The following GLI2 variants were observed in gnomAD, a reference collection of about 807,000 sequenced individuals.
GLI2 encodes the protein transcription activator GLI2.
Under a neutral mutation model 78.9 loss-of-function variants are expected in GLI2, and 22 were observed. The ratio of observed to expected loss-of-function variants is 0.28; its 90% CI spans 0.20 to 0.40. The LOEUF (loss-of-function observed/expected upper bound fraction) is 0.40, where lower values mean the gene tolerates loss of function less well. Ranked by LOEUF, GLI2 falls within the 10% of genes least tolerant of loss-of-function variation. The pLI, the probability that GLI2 is intolerant of heterozygous loss-of-function variation, is 1.00. For missense variants in GLI2, 2,097 were observed against 2,213.2 expected (o/e 0.95, Z 1.05); for synonymous variants, 974 against 963.7 (o/e 1.01, Z -0.20).
intron 2 of GLI2, among the ~76,000 whole-genome samples, chr2:120,847,139 G>C (rs555055883): frequency 2.6e-4 from 40 of 152,134 alleles, no homozygotes; most frequent in African/African-American, 9.6e-4. Context: ...TGGGACTTAG[G>C]GAATTCCTGG....
intron 2 of GLI2, among the ~76,000 whole-genome samples, chr2:120,903,107 G>T (rs1024568310): frequency 6.6e-6 from 1 of 152,072 alleles, no homozygotes; most frequent in Admixed American, 6.5e-5. Flanking sequence ...ATTCAGGGCC[G>T]GGCGCAGTGG....
chr2:120,945,365 C>T (rs1680658342), intron 3 of GLI2, among the ~76,000 whole-genome samples: 1 of 152,198 alleles, frequency 6.6e-6, no homozygotes, highest in Non-Finnish European at 1.5e-5. Flanking sequence ...CTGCTTGTGC[C>T]TCATGCCCAG....
At chr2:120,784,324 G>C (rs1243836548) in intron 1 of GLI2, among the ~76,000 whole-genome samples, 1 of 152,212 alleles carries the variant, frequency 6.6e-6, no homozygotes, top group African/African-American at 2.4e-5. Context: ...CAGGAGGGCT[G>C]GGACACGTGT....
intron 1 of GLI2, among the ~76,000 whole-genome samples, chr2:120,784,766 T>C (rs1683947362): frequency 6.6e-6 from 1 of 152,140 alleles, no homozygotes; most frequent in Admixed American, 6.5e-5. Context: ...AAATGCTCAC[T>C]CATCCCTGCC....
chr2:120,861,759 A>C (rs1344345205), intron 2 of GLI2, among the ~76,000 whole-genome samples: 1 of 152,166 alleles, frequency 6.6e-6, no homozygotes, highest in East Asian at 1.9e-4. Context: ...GAGGCTGTCC[A>C]CCGCAGAAAT....
chr2:120,815,437 G>A (rs1685447271), intron 2 of GLI2, among the ~76,000 whole-genome samples: 1 of 152,156 alleles, frequency 6.6e-6, no homozygotes, highest in African/African-American at 2.4e-5. Flanking sequence ...TTGCTACCAT[G>A]CAGACAGCAT....
chr2:120,824,415 G>A (rs1685938205), intron 2 of GLI2, among the ~76,000 whole-genome samples: 1 of 152,246 alleles, frequency 6.6e-6, no homozygotes, highest in Admixed American at 6.5e-5. Context: ...CCTGATACAG[G>A]TGATTGTCCC....
chr2:120,770,853 G>A (rs1050680779), intron 1 of GLI2, among the ~76,000 whole-genome samples: 9 of 152,176 alleles, frequency 5.9e-5, no homozygotes, highest in African/African-American at 2.2e-4. Context: ...CCTCCAGGCT[G>A]CTGGGACCTG....
intron 2 of GLI2, among the ~76,000 whole-genome samples, chr2:120,858,565 G>A (rs1351774513): frequency 6.6e-6 from 1 of 152,202 alleles, no homozygotes; most frequent in East Asian, 1.9e-4. Flanking sequence ...GCAGGATGGG[G>A]GAAGAGACAA....
At chr2:120,779,565 T>G (rs1334944235) in intron 1 of GLI2, among the ~76,000 whole-genome samples, 1 of 152,250 alleles carries the variant, frequency 6.6e-6, no homozygotes, top group Non-Finnish European at 1.5e-5. Context: ...CCAGAGGGTT[T>G]GGTCCTAATC....
intron 2 of GLI2, among the ~76,000 whole-genome samples, chr2:120,906,976 A>G (rs1479199711): frequency 6.6e-6 from 1 of 151,954 alleles, no homozygotes; most frequent in Non-Finnish European, 1.5e-5. Flanking sequence ...GTCTTAATTC[A>G]TCCCCTTGTC....
chr2:120,736,561 C>G (rs950409417), intron 1 of GLI2, among the ~76,000 whole-genome samples: 2 of 151,496 alleles, frequency 1.3e-5, no homozygotes, highest in African/African-American at 4.9e-5. Context: ...CTCTCCCTAC[C>G]TGGGGGAGAG....
At chr2:120,840,946 C>T in intron 2 of GLI2, among the ~76,000 whole-genome samples, 1 of 152,176 alleles carries the variant, frequency 6.6e-6, no homozygotes, top group East Asian at 1.9e-4. Context: ...TCTGTCTGGT[C>T]TTTGGGGTCC....
At chr2:120,779,130 G>A (rs145731059) in intron 1 of GLI2, among the ~76,000 whole-genome samples, 290 of 152,286 alleles carry the variant, frequency 1.9e-3, no homozygotes, top group Admixed American at 4.0e-3. Context: ...TCATGAGCCC[G>A]CACTGCCCAG....
intron 7 of GLI2, 85 bp downstream of exon 7, chr2:120,970,691 T>A (rs1682106561): frequency 4.3e-6 from 5 of 1,149,454 alleles, no homozygotes; most frequent in Non-Finnish European, 6.4e-6. Flanking sequence ...TGCTAAGAAC[T>A]TGTGGAGGGC....
chr2:120,926,728 G>A (rs1365883001), intron 2 of GLI2, among the ~76,000 whole-genome samples: 1 of 152,222 alleles, frequency 6.6e-6, no homozygotes, highest in Admixed American at 6.5e-5. Context: ...TGACACGCAC[G>A]TGCTGGCGTT....
At chr2:120,839,852 T>C (rs1383123064) in intron 2 of GLI2, among the ~76,000 whole-genome samples, 1 of 152,224 alleles carries the variant, frequency 6.6e-6, no homozygotes, top group Non-Finnish European at 1.5e-5. Flanking sequence ...CGTGAGCCAC[T>C]GCACCCAGCC....
At chr2:120,787,741 G>A (rs1329399856) in intron 1 of GLI2, among the ~76,000 whole-genome samples, 2 of 152,238 alleles carry the variant, frequency 1.3e-5, no homozygotes, top group Non-Finnish European at 2.9e-5. Context: ...CTCAGAGCAC[G>A]TCCCAACCCT....
At chr2:120,736,697 G>C (rs1682367609) in intron 1 of GLI2, among the ~76,000 whole-genome samples, 1 of 152,096 alleles carries the variant, frequency 6.6e-6, no homozygotes, top group Middle Eastern at 3.2e-3. Context: ...GGGCATGGGA[G>C]CGTGTCTGCG....
Sources: allele counts gnomAD v4.1 joint callset (sites outside exome capture counted in the v4.1 genomes callset), GRCh38; gene constraint gnomAD v4.1.1; transcripts MANE v1.5; gene names NCBI Gene and HGNC (gene_info 2026-07-23, HGNC 2026-07-21).